The following PLIN4 variants were observed in gnomAD, a reference collection of about 807,000 sequenced individuals.
PLIN4 encodes perilipin 4, also known as perilipin-4.
In PLIN4, 57 loss-of-function variants were observed where a neutral mutation model predicts 52.4. The observed-to-expected ratio is 1.09, with a 90% CI of 0.88 to 1.36. The LOEUF (loss-of-function observed/expected upper bound fraction) is 1.36. PLIN4 is among the 40% of genes most tolerant of loss of function. The pLI is 0.00. For synonymous variants in PLIN4, 826 were observed against 785.4 expected (o/e 1.05, Z -0.86); for missense variants, 1,757 against 1,770.3 (o/e 0.99, Z 0.13).
At position 4,511,878 on chromosome 19, in the gene PLIN4, G is replaced by C. The variant is rs200897749; in HGVS notation, c.2082C>G (p.Thr694=). ...TGVDTAKTVL[T]GTKDTVTTGL... Reference sequence around the variant, plus strand: ...CAGTAGTGACTGTGTCCTTGGTGCCGGTCAGCACGGTCTTGGCCGTGTCTA... The same window carrying C: ...CAGTAGTGACTGTGTCCTTGGTGCCCGTCAGCACGGTCTTGGCCGTGTCTA... The change falls in exon 5 of 8, where the codon ACC becomes ACG. Residue 694 remains threonine, a synonymous_variant. Transcript: ENST00000301286. 6.6e-7 allele frequency: 1 copy of C among 1,522,306 alleles called. No homozygotes were observed. Among genetic ancestry groups the C allele is most frequent in the Admixed American group, 1.8e-5 (1 of 56,408 alleles). 94.3% of individuals were successfully genotyped at this position (1,522,306 alleles called of 1,614,324 possible).
intron 6 of PLIN4, among the ~76,000 whole-genome samples, chr19:4,507,186 G>A (rs1192102357): frequency 1.3e-5 from 2 of 152,224 alleles, no homozygotes; most frequent in East Asian, 3.9e-4. Context: ...AAAACACAGT[G>A]GCCTAGGCTG....
Position 4,503,530 on chromosome 19 carries a change from C to T in PLIN4, c.*929G>A, listed in dbSNP as rs1975991831. The T allele has an allele frequency of 6.6e-6, 1 of 152,476 alleles. No homozygotes were observed. Among genetic ancestry groups the T allele is most frequent in the Non-Finnish European group, 1.5e-5 (1 of 68,240 alleles). The allele number at this position is 152,476 out of a possible 1,614,324, so 9.4% of individuals were successfully genotyped here. ...GTGTGCGGCGGAGGAAGGGCTGTGC[C>T]ATAGGCACGCAGCCTCTGTGGCTGT... On this transcript the variant is annotated 3_prime_UTR_variant, in exon 8 of 8. Transcript: ENST00000301286.
intron 6 of PLIN4, among the ~76,000 whole-genome samples, chr19:4,508,455 CGGG>C (rs1976166247): frequency 6.6e-6 from 1 of 152,146 alleles, no homozygotes; most frequent in Non-Finnish European, 1.5e-5. Flanking sequence ...TTAGTAGAGA[CGGG>C]GTTTCTCTGT....
Position 4,504,349 on chromosome 19 carries a change from C to T in PLIN4, c.*110G>A. On this transcript the variant is annotated 3_prime_UTR_variant, in exon 8 of 8. Transcript: ENST00000301286. ...CTCAGCCAGCTGCAGCCCCAAAGGT[C>T]TAGGGCTTTAGGGAACCGATCCAGG... The T allele has an allele frequency of 8.7e-7, 1 of 1,154,552 alleles. No individual in the cohort carries two copies. Among genetic ancestry groups the T allele is most frequent in the Non-Finnish European group, 1.2e-6 (1 of 846,430 alleles). 71.5% of individuals were successfully genotyped at this position (1,154,552 alleles called of 1,614,324 possible). A position where few individuals can be genotyped will look rare whatever the true frequency, so the allele number is the denominator to read the frequency against.
chr19:4,518,186 G>A (rs1253851775), intron 2 of PLIN4, 36 bp downstream of exon 2: 1 of 1,231,128 alleles, frequency 8.1e-7, no homozygotes, highest in Non-Finnish European at 1.0e-6. Context: ...GCATCTCCAG[G>A]CCCCAGCAAG....
At position 4,518,123 on chromosome 19, in the gene PLIN4, C is replaced by T. The variant is rs115875325; in HGVS notation, c.51+99G>A. 2.1e-4 allele frequency: 222 copies of T among 1,044,382 alleles called. 1 individual carries two copies. The African/African-American group carries it at 3.2e-3, about 15-fold the overall frequency. The allele number at this position is 1,044,382 out of a possible 1,614,324, so 64.7% of individuals were successfully genotyped here. ...CCCCACCAGCCCACCAGGGAAGCAC[C>T]TCTCCAGATTCGAGACCCCAGGACT... On this transcript the variant is annotated intron_variant, in intron 2 of 7. Transcript: ENST00000301286.
intron 5 of PLIN4, among the ~76,000 whole-genome samples, chr19:4,509,985 C>T (rs955236889): frequency 6.7e-5 from 10 of 150,078 alleles, no homozygotes; most frequent in African/African-American, 2.0e-4. Context: ...GCAGGAGGAT[C>T]GTTTGAGCCC....
At chr19:4,517,200 C>T (rs1427476995) in intron 3 of PLIN4, among the ~76,000 whole-genome samples, 2 of 152,154 alleles carry the variant, frequency 1.3e-5, no homozygotes, top group Non-Finnish European at 2.9e-5. Context: ...CCCAGGGGAG[C>T]TGTTGCTCCT....
intron 2 of PLIN4, among the ~76,000 whole-genome samples, 195 bp downstream of exon 2, chr19:4,518,027 G>A (rs549670401): frequency 1.1e-4 from 16 of 152,284 alleles, no homozygotes; most frequent in Admixed American, 5.9e-4. Context: ...AAGGTGTCGA[G>A]GTCTGCGTGG....
At position 4,513,497 on chromosome 19, in the gene PLIN4, G is replaced by A. The variant is rs1442316172; in HGVS notation, c.463C>T (p.Gln155Ter). ...GCCTTCGAGGTGTCCAGACCCCCTT[G>A]GACGGCCCCCTTAGCCATGTCCATG... ...GAMDMAKGAVQGGLDTSKAVL... is the reference protein window; with the variant it reads ...GAMDMAKGAV Residue 155 changes from glutamine (Q) to a stop codon, truncating the protein, a stop_gained, in exon 5 of 8, where the codon CAA becomes TAA. Coordinates refer to ENST00000301286, the MANE Select transcript of PLIN4 (RefSeq NM_001367868.2). LOFTEE classifies it high-confidence loss of function. 7 of 1,612,854 alleles carry A rather than the reference G, an allele frequency of 4.3e-6. No individual in the cohort carries two copies. Among genetic ancestry groups the A allele is most frequent in the South Asian group, 1.1e-5 (1 of 91,064 alleles).
intron 4 of PLIN4, among the ~76,000 whole-genome samples, chr19:4,515,103 G>C (rs1449640276): frequency 6.7e-6 from 1 of 148,330 alleles, no homozygotes; most frequent in Non-Finnish European, 1.5e-5. Flanking sequence ...TTGAACCCAG[G>C]AGGCAGAGAT....
At chr19:4,507,687 TCA>T (rs1233207051) in intron 6 of PLIN4, among the ~76,000 whole-genome samples, 6 of 152,214 alleles carry the variant, frequency 3.9e-5, no homozygotes, top group East Asian at 3.9e-4. Context: ...AGACCCTGTC[TCA>T]CTGTCTCCAA....
chr19:4,510,453 C>T lies in PLIN4; in HGVS notation c.3507G>A (p.Glu1169=), dbSNP rs1976257600. The T allele has an allele frequency of 5.6e-6, 8 of 1,424,066 alleles. No homozygotes were observed. Among genetic ancestry groups the T allele is most frequent in the South Asian group, 1.9e-5 (1 of 52,942 alleles). The allele number at this position is 1,424,066 out of a possible 1,614,324, so 88.2% of individuals were successfully genotyped here. A position where few individuals can be genotyped will look rare whatever the true frequency, so the allele number is the denominator to read the frequency against. The change falls in exon 5 of 8, where the codon GAG becomes GAA. Residue 1169 remains glutamate, a synonymous_variant. Transcript: ENST00000301286. The part of the protein sequence containing the change: ...LGDIFHPMNA[E]EQAQLAASQP... ...ACCCAGGCGTCCCCTCACCTTGCTCCTCCGCATTCATGGGGTGGAAGATGT... is the reference window on the plus strand; with the variant it reads ...ACCCAGGCGTCCCCTCACCTTGCTCTTCCGCATTCATGGGGTGGAAGATGT...
At chr19:4,509,184 G>A (rs1211875849) in intron 5 of PLIN4, among the ~76,000 whole-genome samples, 1 of 151,306 alleles carries the variant, frequency 6.6e-6, no homozygotes, top group Admixed American at 6.6e-5. Context: ...GGTGGCGGGT[G>A]CCTGTAGTCC....
At chr19:4,518,103 C>T in intron 2 of PLIN4, 119 bp downstream of exon 2, 5 of 908,480 alleles carry the variant, frequency 5.5e-6, no homozygotes, top group Non-Finnish European at 7.3e-6. Context: ...ACCGCCCCCA[C>T]CAGCCCACCA....
chr19:4,504,869 C>T lies in PLIN4; in HGVS notation c.3781G>A (p.Val1261Ile). The stretch of plus-strand genomic sequence containing the variant: ...CCCTGTGCCAGACCCACCTCCTGGA[C>T]AGCAGCGTCCTCCGCACTGGCACCT... Reference protein sequence around the residue: ...GSGASAEDAAVQEERDAGVLS... With the variant: ...GSGASAEDAAIQEERDAGVLS... Residue 1261 changes from valine (V) to isoleucine (I), a missense_variant, in exon 7 of 8, where the codon GTC becomes ATC. Transcript: ENST00000301286. 1 of 1,606,186 alleles carries T rather than the reference C, an allele frequency of 6.2e-7. No individual in the cohort carries two copies. The highest frequency in any genetic ancestry group is 8.5e-7 in the Non-Finnish European group (1 of 1,177,206).
intron 5 of PLIN4, among the ~76,000 whole-genome samples, 181 bp from the exon 6 acceptor site, chr19:4,509,136 C>T (rs1006469260): frequency 1.3e-5 from 2 of 150,752 alleles, no homozygotes; most frequent in African/African-American, 2.4e-5. Flanking sequence ...GGTGAAACCC[C>T]GTCTCTACTA....
rs780278322 is a variant in PLIN4, at chr19:4,510,976, T to G, written c.2984A>C (p.Asp995Ala). The change falls in exon 5 of 8, where the codon GAC (aspartate) becomes GCC (alanine). Residue 995 changes from aspartate (D) to alanine (A), a missense_variant. By Grantham distance (126) the Asp-to-Ala change is moderately radical. This residue lies in a region of PLIN4 where 712 missense variants were observed against 637.1 expected (regional missense o/e 1.12). Transcript: ENST00000301286. ...ASKAVLMGTK[D>A]TVFSGVTGAM... Reference sequence around the variant, plus strand: ...ACCGGTAACCCCACTGAAGACAGTGTCCTTGGTACCCATAAGCACAGCCTT... The same window carrying G: ...ACCGGTAACCCCACTGAAGACAGTGGCCTTGGTACCCATAAGCACAGCCTT... 3.9e-5 allele frequency: 63 copies of G among 1,612,816 alleles called. No homozygotes were observed. Among genetic ancestry groups the G allele is most frequent in the Middle Eastern group, 1.6e-4 (1 of 6,080 alleles).
chr19:4,508,677 T>TG (rs1483929579), intron 6 of PLIN4, 91 bp downstream of exon 6: 3 of 1,335,592 alleles, frequency 2.2e-6, no homozygotes, highest in Non-Finnish European at 3.0e-6. Flanking sequence ...ATCTCCTAGG[T>TG]GCTCAGTCAG....
Sources: gnomAD v4.1 joint callset for allele counts (sites outside exome capture counted in the v4.1 genomes callset) on GRCh38, gnomAD v4.1.1 for gene constraint, gnomAD v4.1.1 regional missense constraint, MANE v1.5 for transcripts, NCBI Gene and HGNC (gene_info 2026-07-23, HGNC 2026-07-21) for gene names.